GRM8: variants seen among roughly 807,000 people sequenced by gnomAD.
GRM8 encodes metabotropic glutamate receptor 8.
GRM8 carries 47 observed loss-of-function variants against 87.2 expected under a neutral mutation model. The observed-to-expected ratio is 0.54, with a 90% CI of 0.43 to 0.69. The LOEUF is 0.69. Among genes scored for constraint, GRM8 ranks in the 30% least tolerant of loss-of-function variants. GRM8 has a pLI of 0.00. For synonymous variants in GRM8, 396 were observed against 404.5 expected (o/e 0.98, Z 0.25); for missense variants, 1,019 against 1,139.2 (o/e 0.89, Z 1.52).
intron 2 of GRM8, among the ~76,000 whole-genome samples, chr7:127,177,390 C>T (rs1794173619): frequency 6.6e-6 from 1 of 152,198 alleles, no homozygotes; most frequent in Non-Finnish European, 1.5e-5. Flanking sequence ...GCCCTGCCTG[C>T]ACTTGATGGT....
chr7:127,094,064 A>C (rs539274763), intron 3 of GRM8, among the ~76,000 whole-genome samples: 1 of 152,354 alleles, frequency 6.6e-6, no homozygotes, highest in East Asian at 1.9e-4. Context: ...CCTAATTCTC[A>C]GGCCAACTCT....
At chr7:127,230,754 G>T (rs1797636486) in intron 2 of GRM8, among the ~76,000 whole-genome samples, 2 of 152,068 alleles carry the variant, frequency 1.3e-5, no homozygotes, top group South Asian at 4.2e-4. Context: ...CAGGGAGAGG[G>T]CCTTCACCAA....
chr7:126,738,604 G>C (rs1018092304), intron 7 of GRM8, among the ~76,000 whole-genome samples: 1 of 151,214 alleles, frequency 6.6e-6, no homozygotes, highest in Non-Finnish European at 1.5e-5. Context: ...AGTTGGAGAA[G>C]TGAAAGGTCT....
At chr7:126,855,421 G>A (rs771734520) in intron 6 of GRM8, among the ~76,000 whole-genome samples, 8 of 151,462 alleles carry the variant, frequency 5.3e-5, no homozygotes, top group African/African-American at 1.2e-4. Context: ...CCAAAGTCAC[G>A]GTAGGAAGTC....
chr7:126,526,661 G>A (rs1051824786), intron 9 of GRM8, among the ~76,000 whole-genome samples: 5 of 152,168 alleles, frequency 3.3e-5, no homozygotes, highest in Non-Finnish European at 5.9e-5. Flanking sequence ...AAAGAAGATG[G>A]CTTCCCCCAA....
At chr7:126,527,583 T>C (rs1814060729) in intron 9 of GRM8, among the ~76,000 whole-genome samples, 2 of 152,222 alleles carry the variant, frequency 1.3e-5, no homozygotes, top group Non-Finnish European at 2.9e-5. Context: ...GTCCAGGTTA[T>C]TGACACTATT....
intron 7 of GRM8, chr7:126,701,778 A>T: frequency 7.8e-7 from 1 of 1,282,914 alleles, no homozygotes; most frequent in Non-Finnish European, 1.0e-6. Flanking sequence ...AAAATGAAGG[A>T]GTAAAAAGAG....
intron 2 of GRM8, among the ~76,000 whole-genome samples, chr7:127,117,264 GGCTTT>G (rs3831577): frequency 0.67 from 101,180 of 150,980 alleles, 35,016 homozygotes; most frequent in African/African-American, 0.79. Flanking sequence ...AAAAGAACCT[GGCTTT>G]GCTTTGCTTT....
intron 3 of GRM8, among the ~76,000 whole-genome samples, chr7:127,041,847 A>G (rs1328393609): frequency 6.6e-6 from 1 of 152,188 alleles, no homozygotes; most frequent in Non-Finnish European, 1.5e-5. Context: ...TGATTGATCA[A>G]TACAGCTTAG....
chr7:127,220,244 C>A (rs1796834575), intron 2 of GRM8, among the ~76,000 whole-genome samples: 1 of 152,154 alleles, frequency 6.6e-6, no homozygotes, highest in Non-Finnish European at 1.5e-5. Flanking sequence ...CCAGTTCCAG[C>A]ACATGGACAT....
At chr7:126,716,814 T>C (rs932612363) in intron 7 of GRM8, among the ~76,000 whole-genome samples, 3 of 151,982 alleles carry the variant, frequency 2.0e-5, no homozygotes, top group African/African-American at 4.8e-5. Flanking sequence ...ATGGGAGTGA[T>C]TGAGAGGAAA....
At position 126,769,881 on chromosome 7, in the gene GRM8, C is replaced by T. The variant is rs1431609154; in HGVS notation, c.1341G>A (p.Arg447=). Residue 447 remains arginine, a synonymous_variant, in exon 7 of 11, where the codon CGG becomes CGA. Coordinates refer to ENST00000339582, the MANE Select transcript of GRM8 (RefSeq NM_000845.3). ...GTAACTTACCATTAAAATTTACAGCCCGAATATAACCAAGTAGCTCTTTCC... is the reference window on the plus strand; with the variant it reads ...GTAACTTACCATTAAAATTTACAGCTCGAATATAACCAAGTAGCTCTTTCC... ...IDGKELLGYI[R]AVNFNGSAGT... 1 of 1,610,298 alleles carries T rather than the reference C, an allele frequency of 6.2e-7. No individual in the cohort carries two copies. Among genetic ancestry groups the T allele is most frequent in the Non-Finnish European group, 8.5e-7 (1 of 1,176,880 alleles).
intron 6 of GRM8, among the ~76,000 whole-genome samples, chr7:126,789,027 C>A (rs1331399058): frequency 6.6e-6 from 1 of 152,070 alleles, no homozygotes; most frequent in Non-Finnish European, 1.5e-5. Context: ...ATAGCAAAGA[C>A]CATATCAAAC....
chr7:127,086,146 G>A (rs1204173101), intron 3 of GRM8, among the ~76,000 whole-genome samples: 1 of 152,156 alleles, frequency 6.6e-6, no homozygotes, highest in African/African-American at 2.4e-5. Flanking sequence ...TGTCACCCAG[G>A]CTGGAGTGCA....
intron 3 of GRM8, among the ~76,000 whole-genome samples, chr7:127,016,670 C>T (rs1287587008): frequency 6.6e-6 from 1 of 151,938 alleles, no homozygotes; most frequent in East Asian, 1.9e-4. Context: ...CCTAAAGAAA[C>T]CTGCATTCTT....
intron 3 of GRM8, among the ~76,000 whole-genome samples, chr7:126,939,942 A>C (rs1806732700): frequency 6.6e-6 from 1 of 152,226 alleles, no homozygotes; most frequent in Non-Finnish European, 1.5e-5. Context: ...CCAAAACTTA[A>C]TGATTTTACA....
intron 2 of GRM8, among the ~76,000 whole-genome samples, chr7:127,107,131 C>T (rs890052684): frequency 6.6e-6 from 1 of 152,156 alleles, no homozygotes; most frequent in Non-Finnish European, 1.5e-5. Context: ...GACATAAATG[C>T]TATACAATGA....
chr7:126,446,198 G>C lies in GRM8; in HGVS notation c.2605C>G (p.Leu869Val). Residue 869 changes from leucine (L) to valine (V), a missense_variant, in exon 10 of 11, where the codon CTG becomes GTG. By Grantham distance (32) the Leu-to-Val change is conservative (BLOSUM62 1). Coordinates refer to ENST00000339582, the MANE Select transcript of GRM8 (RefSeq NM_000845.3). ...GGTCTGTCATTTCCTTTTTGGATCA[G>C]TTTGCTTTGCATGGTGGCAGCTGTC... The part of the protein sequence containing the change: ...VVTAATMQSK[L>V]IQKGNDRPNG... The C allele has an allele frequency of 6.2e-7, 1 of 1,613,026 alleles. No individual in the cohort carries two copies. Among genetic ancestry groups the C allele is most frequent in the Non-Finnish European group, 8.5e-7 (1 of 1,179,334 alleles).
At chr7:127,017,891 A>G (rs1038081352) in intron 3 of GRM8, among the ~76,000 whole-genome samples, 8 of 152,116 alleles carry the variant, frequency 5.3e-5, no homozygotes, top group African/African-American at 1.9e-4. Context: ...ATGAAAAGAA[A>G]TGCATTTTTT....
Sources: gnomAD v4.1 joint callset for allele counts (sites outside exome capture counted in the v4.1 genomes callset) on GRCh38, gnomAD v4.1.1 for gene constraint, MANE v1.5 for transcripts, NCBI Gene and HGNC (gene_info 2026-07-23, HGNC 2026-07-21) for gene names.